The following GLT1D1 variants were observed in gnomAD, a reference collection of about 807,000 sequenced individuals.
GLT1D1 encodes glycosyltransferase 1 domain-containing protein 1.
A neutral mutation model predicts 28.7 loss-of-function variants in GLT1D1; 21 were observed. The ratio of observed to expected loss-of-function variants is 0.73; its 90% CI spans 0.52 to 1.05. The LOEUF is 1.05. GLT1D1 is among the 50% of genes least tolerant of loss of function. The probability of loss-of-function intolerance (pLI) is 0.00; values close to 1 mark genes in which losing one functional copy is unlikely to be tolerated. For missense variants in GLT1D1, 343 were observed against 330.6 expected, an observed-to-expected ratio of 1.04 and a Z score of -0.29; for synonymous variants, 147 against 124.8, an observed-to-expected ratio of 1.18 and a Z score of -1.19.
Position 128,984,281 on chromosome 12 carries a change from C to G in GLT1D1, c.*1191C>G, listed in dbSNP as rs899299675. On this transcript the variant is annotated 3_prime_UTR_variant, in exon 8 of 8. Coordinates refer to ENST00000281703, the MANE Select transcript of GLT1D1 (RefSeq NM_144669.3). ...GGGAGAAGATTCCACCAGCATTGTCCTTGCTTCAAGTTTTAGGATGTCTGA... is the reference window on the plus strand; with the variant it reads ...GGGAGAAGATTCCACCAGCATTGTCGTTGCTTCAAGTTTTAGGATGTCTGA... The G allele has an allele frequency of 1.3e-5, 2 of 152,218 alleles. No homozygotes were observed. The highest frequency in any genetic ancestry group is 4.8e-5 in the African/African-American group (2 of 41,450). The allele number at this position is 152,218 out of a possible 1,614,324, so 9.4% of individuals were successfully genotyped here.
At chr12:128,859,632 A>T (rs1253347380) in intron 1 of GLT1D1, among the ~76,000 whole-genome samples, 2 of 152,164 alleles carry the variant, frequency 1.3e-5, no homozygotes, top group Non-Finnish European at 2.9e-5. Flanking sequence ...ATGTGGCTGG[A>T]GAGGGAGACA....
intron 4 of GLT1D1, 165 bp from the exon 6 acceptor site, chr12:128,914,767 CA>C: frequency 1.9e-6 from 1 of 535,424 alleles, no homozygotes; most frequent in Non-Finnish European, 3.3e-6. Flanking sequence ...TTGCAGTGAG[CA>C]GAGATCGTGG....
intron 1 of GLT1D1, among the ~76,000 whole-genome samples, chr12:128,862,055 G>T (rs773146164): frequency 6.6e-6 from 1 of 152,148 alleles, no homozygotes. Context: ...GAGGCCAGCC[G>T]CGGTGGCTCA....
Position 128,945,496 on chromosome 12 carries a change from T to A in GLT1D1, c.419+127T>A, listed in dbSNP as rs538083929. Reference sequence around the variant, plus strand: ...CAGTTTCCAACTGTTTCCTCATGCATCTTCCCGGCGAGCCCGTGGCATCCT... The same window carrying A: ...CAGTTTCCAACTGTTTCCTCATGCAACTTCCCGGCGAGCCCGTGGCATCCT... On this transcript the variant is annotated intron_variant, in intron 5 of 7. Coordinates refer to ENST00000281703, the MANE Select transcript of GLT1D1 (RefSeq NM_144669.3). 1.1e-4 allele frequency: 87 copies of A among 819,868 alleles called. 1 individual carries two copies. The South Asian group carries it at 1.1e-3, about 11-fold the overall frequency. The allele number at this position is 819,868 out of a possible 1,614,324, so 50.8% of individuals were successfully genotyped here.
chr12:128,972,078 C>T (rs776132742), intron 7 of GLT1D1, among the ~76,000 whole-genome samples: 7 of 151,964 alleles, frequency 4.6e-5, no homozygotes, highest in Non-Finnish European at 8.8e-5. Flanking sequence ...CAAGCTGTCC[C>T]TTGGGGATCT....
At chr12:128,870,802 C>T (rs1162143387) in intron 1 of GLT1D1, among the ~76,000 whole-genome samples, 1 of 152,022 alleles carries the variant, frequency 6.6e-6, no homozygotes, top group Admixed American at 6.6e-5. Context: ...GACCAGCCTG[C>T]CAACATGGTG....
At chr12:128,925,843 C>T (rs1018383606) in intron 4 of GLT1D1, among the ~76,000 whole-genome samples, 3 of 151,764 alleles carry the variant, frequency 2.0e-5, no homozygotes, top group African/African-American at 7.3e-5. Context: ...CTGAGCTCAG[C>T]TCCATTTTTT....
At chr12:128,876,137 C>G in intron 2 of GLT1D1, 75 bp downstream of exon 2, 1 of 1,306,842 alleles carries the variant, frequency 7.7e-7, no homozygotes, top group African/African-American at 1.5e-5. Context: ...TCCAATAACA[C>G]GGGAAACAGT....
At chr12:128,886,919 C>G (rs1868450190) in intron 2 of GLT1D1, among the ~76,000 whole-genome samples, 1 of 152,032 alleles carries the variant, frequency 6.6e-6, no homozygotes, top group Non-Finnish European at 1.5e-5. Context: ...CTATGTCTCT[C>G]TGTGTTTTTG....
At chr12:128,855,624 G>A (rs1956198452) in intron 1 of GLT1D1, among the ~76,000 whole-genome samples, 1 of 152,058 alleles carries the variant, frequency 6.6e-6, no homozygotes, top group Non-Finnish European at 1.5e-5. Context: ...GAGGGTTCTT[G>A]GATCTTGCAC....
At chr12:128,927,999 C>CAAAAAAAAAAAAAAA (rs938188484) in intron 4 of GLT1D1, among the ~76,000 whole-genome samples, 5 of 42,248 alleles carry the variant, frequency 1.2e-4, no homozygotes, top group African/African-American at 3.4e-4. Flanking sequence ...GACTCTGTCT[C>CAAAAAAAAAAAAAAA]AAAAAAAAAA....
intron 6 of GLT1D1, among the ~76,000 whole-genome samples, chr12:128,953,293 C>T (rs1876918530): frequency 1.3e-5 from 2 of 152,100 alleles, no homozygotes; most frequent in African/African-American, 2.4e-5. Context: ...TGTCTTTTCA[C>T]TTTCTTAATG....
intron 4 of GLT1D1, among the ~76,000 whole-genome samples, chr12:128,924,117 G>A (rs556850565): frequency 5.3e-5 from 8 of 152,066 alleles, no homozygotes. Flanking sequence ...CATGCAGCCG[G>A]GAGTCTCCAG....
intron 3 of GLT1D1, among the ~76,000 whole-genome samples, chr12:128,896,313 G>C (rs911856821): frequency 7.2e-5 from 11 of 152,094 alleles, no homozygotes; most frequent in African/African-American, 2.7e-4. Flanking sequence ...TTGAAAGATT[G>C]TAAGTCCTGA....
intron 4 of GLT1D1, among the ~76,000 whole-genome samples, chr12:128,911,416 C>T (rs1009429496): frequency 5.9e-5 from 9 of 152,330 alleles, no homozygotes; most frequent in South Asian, 2.1e-4. Flanking sequence ...CATGCAGTGC[C>T]GAGGGCTCCC....
At chr12:128,866,591 G>A (rs1401858593) in intron 1 of GLT1D1, among the ~76,000 whole-genome samples, 3 of 144,244 alleles carry the variant, frequency 2.1e-5, no homozygotes, top group Non-Finnish European at 4.5e-5. Context: ...CAGTATCCAC[G>A]TGGTTCGCTG....
At chr12:128,869,939 A>AT (rs35487977) in intron 1 of GLT1D1, among the ~76,000 whole-genome samples, 2,436 of 125,228 alleles carry the variant, frequency 0.019, 147 homozygotes, top group East Asian at 0.12. Flanking sequence ...TGTGTATTCT[A>AT]TTTTTTTTTT....
chr12:128,928,438 C>T (rs1873509968), intron 4 of GLT1D1, among the ~76,000 whole-genome samples: 2 of 152,194 alleles, frequency 1.3e-5, no homozygotes, highest in Admixed American at 6.5e-5. Flanking sequence ...CTGTGTTCCA[C>T]GCCAGTCCTA....
intron 1 of GLT1D1, among the ~76,000 whole-genome samples, chr12:128,860,528 A>C (rs551476316): frequency 2.0e-5 from 3 of 152,234 alleles, no homozygotes; most frequent in Non-Finnish European, 4.4e-5. Flanking sequence ...CTTTTGACCA[A>C]GAAGTCAGGG....
Sources: allele counts gnomAD v4.1 joint callset (sites outside exome capture counted in the v4.1 genomes callset), GRCh38; gene constraint gnomAD v4.1.1; transcripts MANE v1.5; gene names NCBI Gene and HGNC (gene_info 2026-07-23, HGNC 2026-07-21).